Variants in NRK observed in about 807,000 individuals in gnomAD.
NRK encodes Nik related kinase.
In NRK, 67 loss-of-function variants were observed where a neutral mutation model predicts 125.2. The observed-to-expected ratio is 0.54, with a 90% CI of 0.44 to 0.66. The LOEUF (loss-of-function observed/expected upper bound fraction) is 0.66, where lower values mean the gene tolerates loss of function less well. Among genes scored for constraint, NRK ranks in the 30% least tolerant of loss-of-function variants. NRK has a pLI of 0.00. For synonymous variants in NRK, 458 were observed against 429.0 expected, an observed-to-expected ratio of 1.07 and a Z score of -0.84; for missense variants, 1,224 against 1,192.9, an observed-to-expected ratio of 1.03 and a Z score of -0.38.
chrX:105,947,068 GTTCTC>G (rs1362826130), intron 26 of NRK, among the ~76,000 whole-genome samples: 2 of 111,565 alleles, frequency 1.8e-5, no homozygotes, highest in African/African-American at 3.3e-5. Context: ...ATCATAAAAT[GTTCTC>G]TTATCTGGTT....
chrX:105,938,553 A>G (rs1288360435), intron 22 of NRK, among the ~76,000 whole-genome samples: 3 of 111,680 alleles, frequency 2.7e-5, no homozygotes, highest in Non-Finnish European at 5.6e-5. Flanking sequence ...GGTGGCTTAT[A>G]GACTACATAT....
At position 105,863,779 on chromosome X, in the gene NRK, A is replaced by G. The variant is rs373226417; in HGVS notation, c.124-16420A>G. 5.3e-5 allele frequency among the ~76,000 whole-genome samples: 6 copies of G among 112,224 alleles called. No individual in the cohort carries two copies. In the East Asian group the frequency reaches 1.7e-3, roughly 32 times the overall value. On this transcript the variant is annotated intron_variant, in intron 2 of 28. Coordinates refer to ENST00000243300, the MANE Select transcript of NRK (RefSeq NM_198465.4). ...AGGAGCCTGACAATCTCAGAATTCT[A>G]TCTAAGAGACTTCCATTTCTTACAC...
At chrX:105,852,136 G>A (rs887387923) in intron 2 of NRK, among the ~76,000 whole-genome samples, 1 of 111,744 alleles carries the variant, frequency 8.9e-6, no homozygotes, top group Non-Finnish European at 1.9e-5. Context: ...CTTAGCCAGA[G>A]TTGTGGAGCC....
At chrX:105,855,065 C>T (rs2039515691) in intron 2 of NRK, among the ~76,000 whole-genome samples, 1 of 111,624 alleles carries the variant, frequency 9.0e-6, no homozygotes, top group Admixed American at 9.5e-5. Flanking sequence ...TGGAGTTGCA[C>T]CAGTGACCTG....
chrX:105,894,747 A>G lies in NRK; in HGVS notation c.490-686A>G, dbSNP rs371293722. On this transcript the variant is annotated intron_variant, in intron 6 of 28. Transcript: ENST00000243300. ...CAAAGGGTTTCTGAGAGGAATTAGT[A>G]ATTTACTCCATGTAAAGCACTTAGT... Among the ~76,000 whole-genome samples, 5 of 112,294 alleles carry G rather than the reference A, an allele frequency of 4.5e-5. No individual in the cohort carries two copies. In the East Asian group the frequency reaches 8.4e-4, roughly 19 times the overall value.
At chrX:105,915,909 C>T in intron 15 of NRK, 112 bp downstream of exon 15, 1 of 426,086 alleles carries the variant, frequency 2.3e-6, no homozygotes, top group Non-Finnish European at 4.2e-6. Flanking sequence ...TCCGTGACAA[C>T]ATCATCACCA....
In NRK at chrX:105,958,202, TCTGA is replaced by T. The variant is rs1314507554; in HGVS notation, c.*2606_*2609del. On this transcript the variant is annotated 3_prime_UTR_variant, in exon 29 of 29. Transcript: ENST00000243300. The stretch of plus-strand genomic sequence containing the variant: ...GGATAAAAGGGCTGATAAGAAAATT[TCTGA>T]CTGTCAGTAGAAGTGAGATAAGATC... 1 of 112,454 alleles carries T rather than the reference TCTGA, an allele frequency of 8.9e-6. No individual in the cohort carries two copies. Among genetic ancestry groups the T allele is most frequent in the African/African-American group, 3.2e-5 (1 of 30,943 alleles). 9.3% of individuals were successfully genotyped at this position (112,454 alleles called of 1,213,427 possible). A position where few individuals can be genotyped will look rare whatever the true frequency, so the allele number is the denominator to read the frequency against.
chrX:105,876,920 G>A (rs1044190289), intron 2 of NRK, among the ~76,000 whole-genome samples: 2 of 111,404 alleles, frequency 1.8e-5, no homozygotes, highest in African/African-American at 6.5e-5. Flanking sequence ...CTAGATAGGT[G>A]CCCAAGAATA....
At chrX:105,908,649 GT>G in intron 12 of NRK, 77 bp from the exon 13 acceptor site, 2 of 1,100,519 alleles carry the variant, frequency 1.8e-6, no homozygotes, top group Non-Finnish European at 2.4e-6. Flanking sequence ...ATCTTTTAAA[GT>G]AAAAACAATG....
chrX:105,822,267 T>C (rs1320076992), upstream of NRK, among the ~76,000 whole-genome samples: 2 of 97,193 alleles, frequency 2.1e-5, no homozygotes, highest in Non-Finnish European at 4.1e-5. Context: ...TGTGGAACAC[T>C]CGCCAGCGGG....
intron 19 of NRK, among the ~76,000 whole-genome samples, chrX:105,925,606 C>T (rs912151306): frequency 1.8e-5 from 2 of 110,913 alleles, no homozygotes; most frequent in African/African-American, 3.3e-5. Context: ...ATCACTCTCC[C>T]GTACTCCTCT....
chrX:105,866,610 T>C (rs2039675264), intron 2 of NRK, among the ~76,000 whole-genome samples: 1 of 111,711 alleles, frequency 9.0e-6, no homozygotes, highest in Non-Finnish European at 1.9e-5. Flanking sequence ...CAAAAATCCT[T>C]AAGTGTTTAG....
At position 105,909,385 on chromosome X, in the gene NRK, C is replaced by T. The variant is rs762084637; in HGVS notation, c.1744C>T (p.Arg582Ter). ...ETEAEEPESL[R>*]VNAQVFLPLL... ...TGAGGCAGAGGAACCTGAGTCATTA[C>T]GAGTAAATGCCCAGGTATTTCTGCC... Residue 582 changes from arginine to a stop codon, truncating the protein, a stop_gained, in exon 13 of 29, where the codon CGA becomes TGA. Coordinates refer to ENST00000243300, the MANE Select transcript of NRK (RefSeq NM_198465.4). LOFTEE classifies it high-confidence loss of function. 2.5e-6 allele frequency: 3 copies of T among 1,203,855 alleles called. No homozygotes were observed. The highest frequency in any genetic ancestry group is 3.4e-6 in the Non-Finnish European group (3 of 891,879).
At chrX:105,916,011 T>C (rs1303005030) in intron 15 of NRK, among the ~76,000 whole-genome samples, 2 of 111,125 alleles carry the variant, frequency 1.8e-5, no homozygotes, top group Non-Finnish European at 3.8e-5. Flanking sequence ...TCTGTGATAT[T>C]TAGTTTGCTA....
At chrX:105,841,928 A>G (rs2039335428) in intron 2 of NRK, among the ~76,000 whole-genome samples, 1 of 111,087 alleles carries the variant, frequency 9.0e-6, no homozygotes, top group East Asian at 2.9e-4. Context: ...ACAAACGAGC[A>G]AACAGGATTC....
chrX:105,854,067 A>G (rs1420628332), intron 2 of NRK, among the ~76,000 whole-genome samples: 1 of 111,861 alleles, frequency 8.9e-6, no homozygotes, highest in Non-Finnish European at 1.9e-5. Context: ...ATTCTGCAGT[A>G]AATTTCCCAG....
chrX:105,875,840 A>G (rs1216220496), intron 2 of NRK, among the ~76,000 whole-genome samples: 1 of 111,008 alleles, frequency 9.0e-6, no homozygotes, highest in Non-Finnish European at 1.9e-5. Context: ...GAAAGAGCCT[A>G]TGAACTTATA....
At chrX:105,937,283 A>G (rs2040678001) in intron 21 of NRK, among the ~76,000 whole-genome samples, 156 bp from the exon 22 acceptor site, 1 of 110,907 alleles carries the variant, frequency 9.0e-6, no homozygotes, top group Non-Finnish European at 1.9e-5. Flanking sequence ...AAATAGTAAT[A>G]TAGATGCAAT....
chrX:105,829,229 G>A (rs2039155114), intron 1 of NRK, among the ~76,000 whole-genome samples: 1 of 112,019 alleles, frequency 8.9e-6, no homozygotes, highest in Non-Finnish European at 1.9e-5. Flanking sequence ...AATACTTATT[G>A]AATGATGTAA....
Sources: gnomAD v4.1 joint callset for allele counts (sites outside exome capture counted in the v4.1 genomes callset) on GRCh38, gnomAD v4.1.1 for gene constraint, MANE v1.5 for transcripts, NCBI Gene and HGNC (gene_info 2026-07-23, HGNC 2026-07-21) for gene names.